NRG2: variants seen among roughly 807,000 people sequenced by gnomAD.
NRG2 encodes the protein neuregulin 2.
A neutral mutation model predicts 73.9 loss-of-function variants in NRG2; 27 were observed. That is an observed-to-expected ratio of 0.37 (90% CI 0.27 to 0.50). The LOEUF (loss-of-function observed/expected upper bound fraction) is 0.50. Among genes scored for constraint, NRG2 ranks in the 20% least tolerant of loss-of-function variants. The probability of loss-of-function intolerance (pLI) is 0.96; values close to 1 mark genes in which losing one functional copy is unlikely to be tolerated. For missense variants in NRG2, 1,126 were observed against 1,210.1 expected (o/e 0.93, Z 1.03); for synonymous variants, 532 against 541.0 (o/e 0.98, Z 0.23).
chr5:140,037,130 G>A (rs969665975), intron 1 of NRG2, among the ~76,000 whole-genome samples: 36 of 152,140 alleles, frequency 2.4e-4, no homozygotes, highest in African/African-American at 8.7e-4. Flanking sequence ...TGACAACTGC[G>A]GTCTCTGTCT....
Position 139,932,260 on chromosome 5 carries a change from G to A in NRG2, c.701-44749C>T, listed in dbSNP as rs201707843. Among the ~76,000 whole-genome samples the A allele has an allele frequency of 6.0e-3, 689 of 114,820 alleles. 6 individuals carry two copies. Among genetic ancestry groups the A allele is most frequent in the South Asian group, 0.03 (92 of 3,092 alleles). 75.3% of individuals were successfully genotyped at this position (114,820 alleles called of 152,430 possible). A position where few individuals can be genotyped will look rare whatever the true frequency, so the allele number is the denominator to read the frequency against. ...TGTGTGTGTGTGTGTGTGTGTGTGT[G>A]TATACACAGTGAACTATTTTTCAGG... On this transcript the variant is annotated intron_variant, in intron 1 of 9. Transcript: ENST00000361474.
intron 2 of NRG2, among the ~76,000 whole-genome samples, chr5:139,886,691 C>T (rs1376490940): frequency 1.3e-5 from 2 of 152,300 alleles, no homozygotes; most frequent in East Asian, 3.9e-4. Flanking sequence ...GTGCCAGAAG[C>T]CCCCTGCCTG....
chr5:139,907,940 A>C (rs1308417599), intron 1 of NRG2, among the ~76,000 whole-genome samples: 1 of 152,258 alleles, frequency 6.6e-6, no homozygotes, highest in Non-Finnish European at 1.5e-5. Flanking sequence ...GCCTCAGCCT[A>C]GTGCTAAGCA....
Position 139,851,594 on chromosome 5 carries a change from AG to A in NRG2, c.1772+9del, listed in dbSNP as rs748066464. ...CTAAGCGGGGAATAGGTCAGGGGGTAGGAACTGACCTCTCGCTGTGTGGGGA... is the reference window on the plus strand; with the variant it reads ...CTAAGCGGGGAATAGGTCAGGGGGTAGAACTGACCTCTCGCTGTGTGGGGA... On this transcript the variant is annotated intron_variant, in intron 9 of 9. Transcript: ENST00000361474. The surrounding 1 kb of genome is among the most constrained non-coding windows in gnomAD (Gnocchi z 4.2). The A allele has an allele frequency of 3.7e-6, 6 of 1,613,160 alleles. No individual in the cohort carries two copies. Among genetic ancestry groups the A allele is most frequent in the Non-Finnish European group, 5.1e-6 (6 of 1,179,526 alleles).
chr5:139,996,406 T>A (rs1323249576), intron 1 of NRG2, among the ~76,000 whole-genome samples: 1 of 152,258 alleles, frequency 6.6e-6, no homozygotes, highest in Non-Finnish European at 1.5e-5. Flanking sequence ...TTGTTTCCAA[T>A]CTTTGGCTAT....
chr5:139,855,732 G>A lies in NRG2; in HGVS notation c.1236C>T (p.Ile412=), dbSNP rs201580796. 21 of 1,614,136 alleles carry A rather than the reference G, an allele frequency of 1.3e-5. No individual in the cohort carries two copies. The highest frequency in any genetic ancestry group is 1.7e-5 in the Non-Finnish European group (20 of 1,179,996). Residue 412 remains isoleucine (I), a synonymous_variant, in exon 6 of 10, where the codon ATC becomes ATT. Coordinates refer to ENST00000361474, the MANE Select transcript of NRG2 (RefSeq NM_004883.3). ...TGCCCACGACCAGCAGAGCCACGCA[G>A]ATGCCCGTGATGGTCAGGACCCTCT... is the stretch of plus-strand genomic sequence containing the variant. ...YQKRVLTITG[I]CVALLVVGIV...
At chr5:139,876,264 A>G (rs1282643848) in intron 3 of NRG2, among the ~76,000 whole-genome samples, 1 of 152,180 alleles carries the variant, frequency 6.6e-6, no homozygotes, top group Non-Finnish European at 1.5e-5. Context: ...CAGTCACAAA[A>G]GGCCACATAT....
At chr5:140,026,753 T>C (rs575714609) in intron 1 of NRG2, among the ~76,000 whole-genome samples, 3 of 152,230 alleles carry the variant, frequency 2.0e-5, no homozygotes, top group Admixed American at 1.3e-4. Context: ...ATACAGAGGA[T>C]AAGAGTGAAA....
At chr5:139,990,058 G>A (rs1023633791) in intron 1 of NRG2, among the ~76,000 whole-genome samples, 2 of 151,774 alleles carry the variant, frequency 1.3e-5, no homozygotes, top group Non-Finnish European at 2.9e-5. Context: ...AAAGTGCTGG[G>A]ATTACAGGCG....
At chr5:140,041,937 C>T (rs1007290136) in intron 1 of NRG2, among the ~76,000 whole-genome samples, 2 of 152,100 alleles carry the variant, frequency 1.3e-5, no homozygotes, top group Non-Finnish European at 2.9e-5. Context: ...TGCCCAGCTG[C>T]TCCCGCAGAC....
chr5:139,848,400 G>C lies in NRG2; in HGVS notation c.2070C>G (p.Thr690=), dbSNP rs1386007378. The C allele has an allele frequency of 1.7e-5, 22 of 1,265,458 alleles. No homozygotes were observed. Among genetic ancestry groups the C allele is most frequent in the South Asian group, 3.0e-5 (1 of 32,806 alleles). 78.4% of individuals were successfully genotyped at this position (1,265,458 alleles called of 1,614,324 possible). The change falls in exon 10 of 10, where the codon ACC becomes ACG. Residue 690 remains threonine (T), a synonymous_variant. Coordinates refer to ENST00000361474, the MANE Select transcript of NRG2 (RefSeq NM_004883.3). Reference sequence around the variant, plus strand: ...TGCCCAGGCTGCCGCCGAGCGCGCAGGTCCCGCGCCGCGGTCCGGGCCCCG... The same window carrying C: ...TGCCCAGGCTGCCGCCGAGCGCGCACGTCCCGCGCCGCGGTCCGGGCCCCG... The part of the protein sequence containing the change: ...PAAGPGPRRG[T]CALGGSLGSL...
At position 139,950,853 on chromosome 5, in the gene NRG2, G is replaced by A. The variant is rs75279586; in HGVS notation, c.701-63342C>T. Among the ~76,000 whole-genome samples, 818 of 152,146 alleles carry A rather than the reference G, an allele frequency of 5.4e-3. 7 individuals carry two copies. The highest frequency in any genetic ancestry group is 0.018 in the African/African-American group (743 of 41,498). On this transcript the variant is annotated intron_variant, in intron 1 of 9. Transcript: ENST00000361474. Reference sequence around the variant, plus strand: ...TACCATCACTTTGATGATCACTGCCGCCATTTCAACCCACCACTCAGCCCC... The same window carrying A: ...TACCATCACTTTGATGATCACTGCCACCATTTCAACCCACCACTCAGCCCC...
In NRG2 at chr5:139,941,901, AAAC is replaced by A. The variant is rs528085320; in HGVS notation, c.701-54393_701-54391del. On this transcript the variant is annotated intron_variant, in intron 1 of 9. Coordinates refer to ENST00000361474, the MANE Select transcript of NRG2 (RefSeq NM_004883.3). ...AGCAGCTTGACATGATTTGTGATTC[AAAC>A]AACATTAGTTATAGTCAAAATTATT... is the stretch of plus-strand genomic sequence containing the variant. Among the ~76,000 whole-genome samples, 270 of 152,318 alleles carry A rather than the reference AAAC, an allele frequency of 1.8e-3. 3 individuals are homozygous for A. Among genetic ancestry groups the A allele is most frequent in the Middle Eastern group, 0.014 (4 of 294 alleles).
chr5:139,991,779 A>T (rs1035938450), intron 1 of NRG2, among the ~76,000 whole-genome samples: 14 of 151,882 alleles, frequency 9.2e-5, no homozygotes, highest in Non-Finnish European at 1.2e-4. Flanking sequence ...TTGCATATGA[A>T]TTTTTTTCCA....
chr5:140,042,858 G>A lies in NRG2; in HGVS notation c.212C>T (p.Pro71Leu), dbSNP rs1182119838. The A allele has an allele frequency of 1.0e-5, 15 of 1,504,104 alleles. No individual in the cohort carries two copies. Among genetic ancestry groups the A allele is most frequent in the Non-Finnish European group, 1.3e-5 (15 of 1,129,278 alleles). 93.2% of individuals were successfully genotyped at this position (1,504,104 alleles called of 1,614,324 possible). ...CCGGGCTGCGGGGCTGCGGGGCTGC[G>A]GCTGTTGCTGCGGCCGCGGCTCTGG... ...APPEPRPQQQ[P>L]QPRSPAARRA... Residue 71 changes from proline (P) to leucine (L), a missense_variant, in exon 1 of 10, where the codon CCG becomes CTG. Pro to Leu is a moderately conservative substitution (Grantham distance 98). Around this residue, in one of 3 missense-constraint regions of NRG2, gnomAD observed 185 missense variants for 149.0 expected, o/e 1.24. Coordinates refer to ENST00000361474, the MANE Select transcript of NRG2 (RefSeq NM_004883.3).
chr5:139,938,083 A>G (rs1440692600), intron 1 of NRG2, among the ~76,000 whole-genome samples: 2 of 152,208 alleles, frequency 1.3e-5, no homozygotes, highest in African/African-American at 4.8e-5. Context: ...TGTCTACGAA[A>G]AAATAATAAT....
chr5:139,897,185 C>T (rs914891499), intron 1 of NRG2, among the ~76,000 whole-genome samples: 2 of 152,204 alleles, frequency 1.3e-5, no homozygotes, highest in East Asian at 3.8e-4. Flanking sequence ...AGACGGATGC[C>T]ACTGTGCATT....
At chr5:139,938,906 AAAGAAAGAAAGAAAGAAAG>A (rs1753102379) in intron 1 of NRG2, among the ~76,000 whole-genome samples, 1 of 4,802 alleles carries the variant, frequency 2.1e-4, no homozygotes, top group African/African-American at 1.4e-3. Context: ...GAAAGAAAGA[AAAGAAAGAAAGAAAGAAAG>A]AAAGAAAGAA....
At chr5:140,030,323 C>G (rs986007355) in intron 1 of NRG2, among the ~76,000 whole-genome samples, 1 of 152,228 alleles carries the variant, frequency 6.6e-6, no homozygotes, top group Non-Finnish European at 1.5e-5. Context: ...CCCTAGGATG[C>G]ACTAGTTTTA....
Sources: allele counts gnomAD v4.1 joint callset (sites outside exome capture counted in the v4.1 genomes callset), GRCh38; gene constraint gnomAD v4.1.1; regional missense constraint gnomAD v4.1.1; non-coding constraint Gnocchi (gnomAD v3.1); transcripts MANE v1.5; gene names NCBI Gene and HGNC (gene_info 2026-07-23, HGNC 2026-07-21).